The following PRPF8 variants were observed in gnomAD, a reference collection of about 807,000 sequenced individuals.
PRPF8 encodes pre-mRNA processing factor 8, also known as pre-mRNA-processing-splicing factor 8.
In PRPF8, 64 loss-of-function variants were observed where a neutral mutation model predicts 285.9. The ratio of observed to expected loss-of-function variants is 0.22; its 90% CI spans 0.18 to 0.28. The LOEUF (loss-of-function observed/expected upper bound fraction) is 0.28, where lower values mean the gene tolerates loss of function less well. Among genes scored for constraint, PRPF8 ranks in the 10% least tolerant of loss-of-function variants. The pLI, the probability that PRPF8 is intolerant of heterozygous loss-of-function variation, is 1.00. For missense variants in PRPF8, 1,426 were observed against 3,026.7 expected, an observed-to-expected ratio of 0.47 and a Z score of 12.41; for synonymous variants, 1,325 against 1,118.2, an observed-to-expected ratio of 1.18 and a Z score of -3.69.
chr17:1,664,013 TA>T (rs1911818844), intron 24 of PRPF8, among the ~76,000 whole-genome samples: 1 of 152,068 alleles, frequency 6.6e-6, no homozygotes, highest in Non-Finnish European at 1.5e-5. Flanking sequence ...TGAAAGACAA[TA>T]AACTCACAGC....
At chr17:1,657,969 T>TC (rs1567677946) in intron 34 of PRPF8, among the ~76,000 whole-genome samples, 1 of 94,054 alleles carries the variant, frequency 1.1e-5, no homozygotes, top group Non-Finnish European at 2.4e-5. Context: ...AGACTCCGGC[T>TC]AAAAAAAAAA....
Position 1,658,247 on chromosome 17 carries a change from G to A in PRPF8, c.5505+6C>T, listed in dbSNP as rs1025394979. ...CTACAGCCTCTTCATCTTTAAACCTGCTCACCTGCCCCAAACGCTTCTGTC... is the reference window on the plus strand; with the variant it reads ...CTACAGCCTCTTCATCTTTAAACCTACTCACCTGCCCCAAACGCTTCTGTC... On this transcript the variant is annotated splice_donor_region_variant and intron_variant, in intron 34 of 42. Transcript: ENST00000304992. The surrounding 1 kb of genome is among the most constrained non-coding windows in gnomAD (Gnocchi z 4.1). The A allele has an allele frequency of 6.2e-7, 1 of 1,613,974 alleles. No individual in the cohort carries two copies. The highest frequency in any genetic ancestry group is 8.5e-7 in the Non-Finnish European group (1 of 1,180,034).
intron 24 of PRPF8, among the ~76,000 whole-genome samples, chr17:1,664,951 T>C (rs1332553536): frequency 1.4e-5 from 2 of 139,402 alleles, no homozygotes; most frequent in Non-Finnish European, 3.2e-5. Flanking sequence ...AGGTCACGAG[T>C]TCAAGACCAG....
chr17:1,672,345 T>A (rs539058245), intron 24 of PRPF8, among the ~76,000 whole-genome samples: 48 of 152,292 alleles, frequency 3.2e-4, no homozygotes, highest in South Asian at 1.0e-3. Flanking sequence ...AATGGTACGA[T>A]CTCGACTCAC....
rs121434240 is a variant in PRPF8, at chr17:1,650,898, G to A, written c.6912C>T (p.Phe2304=). The A allele has an allele frequency of 5.0e-6, 8 of 1,614,062 alleles. No homozygotes were observed. The highest frequency in any genetic ancestry group is 2.7e-5 in the African/African-American group (2 of 74,920). The stretch of plus-strand genomic sequence containing the variant: ...GAGAGGGCCTGTGCACCTCGTGGTA[G>A]AACTCTTTGGGGTTCGCCAGCTGTA... ...YELQLANPKE[F]YHEVHRPSHF... The change falls in exon 43 of 43, where the codon TTC becomes TTT. Residue 2304 remains phenylalanine (F), a synonymous_variant. Transcript: ENST00000304992.
intron 24 of PRPF8, among the ~76,000 whole-genome samples, chr17:1,664,030 T>C (rs9894268): frequency 0.2 from 30,174 of 152,094 alleles, 6,500 homozygotes; most frequent in African/African-American, 0.54. Context: ...ACAGCTGTAG[T>C]TGGATCTTTC....
In PRPF8 at chr17:1,673,920, G is replaced by GC; in HGVS notation, c.3300-29dup. On this transcript the variant is annotated intron_variant, in intron 21 of 42. Coordinates refer to ENST00000304992, the MANE Select transcript of PRPF8 (RefSeq NM_006445.4). This position sits in a 1 kb window ranked among gnomAD's most constrained non-coding sequence, Gnocchi z 5.5. The stretch of plus-strand genomic sequence containing the variant: ...ACACCAGACCAGGTACACTGCTGAG[G>GC]CCCCAGTACACTGAGATTTGGGACA... 1 of 1,608,852 alleles carries GC rather than the reference G, an allele frequency of 6.2e-7. No individual in the cohort carries two copies. Among genetic ancestry groups the GC allele is most frequent in the Non-Finnish European group, 8.5e-7 (1 of 1,179,968 alleles).
intron 8 of PRPF8, chr17:1,680,467 TAG>T (rs1460189170): frequency 7.0e-6 from 4 of 568,560 alleles, no homozygotes; most frequent in Non-Finnish European, 1.3e-5. Context: ...ACAAACACAA[TAG>T]AGACAGACCG....
chr17:1,661,804 C>T lies in PRPF8; in HGVS notation c.4023-14G>A, dbSNP rs769246782. ...TGTTTGGACCACCTGTTTGGGTGTA[C>T]AACCAAGATTACAGAAAAAATAAAG... On this transcript the variant is annotated splice_polypyrimidine_tract_variant and intron_variant, in intron 25 of 42. Coordinates refer to ENST00000304992, the MANE Select transcript of PRPF8 (RefSeq NM_006445.4). The surrounding 1 kb of genome is among the most constrained non-coding windows in gnomAD (Gnocchi z 7.3). The T allele has an allele frequency of 2.5e-6, 4 of 1,614,138 alleles. No homozygotes were observed. Among genetic ancestry groups the T allele is most frequent in the Non-Finnish European group, 3.4e-6 (4 of 1,180,048 alleles).
chr17:1,676,454 T>C lies in PRPF8; in HGVS notation c.2388+51A>G. 2 of 1,613,918 alleles carry C rather than the reference T, an allele frequency of 1.2e-6. No individual in the cohort carries two copies. Among genetic ancestry groups the C allele is most frequent in the Non-Finnish European group, 1.7e-6 (2 of 1,179,924 alleles). On this transcript the variant is annotated intron_variant, in intron 16 of 42. Transcript: ENST00000304992. This position sits in a 1 kb window ranked among gnomAD's most constrained non-coding sequence, Gnocchi z 6.3. The stretch of plus-strand genomic sequence containing the variant: ...TCAGTCACAACTCTACAGTCCTCCC[T>C]CTTGCCCACTCCCCCACCACTCACA...
At chr17:1,674,708 G>A (rs769421123) in intron 20 of PRPF8, 28 bp from the exon 21 acceptor site, 30 of 1,598,402 alleles carry the variant, frequency 1.9e-5, no homozygotes, top group Non-Finnish European at 2.6e-5. Context: ...CAATTCTTAA[G>A]AATGTGAGCC....
intron 24 of PRPF8, among the ~76,000 whole-genome samples, chr17:1,664,499 C>A (rs945778505): frequency 8.5e-5 from 13 of 152,116 alleles, no homozygotes; most frequent in African/African-American, 3.1e-4. Flanking sequence ...AGAGACTGTA[C>A]GCTAGGACAT....
At position 1,676,009 on chromosome 17, in the gene PRPF8, C is replaced by G; in HGVS notation, c.2598G>C (p.Leu866=). The change falls in exon 18 of 43, where the codon CTG becomes CTC. Residue 866 remains leucine (L), a synonymous_variant. Coordinates refer to ENST00000304992, the MANE Select transcript of PRPF8 (RefSeq NM_006445.4). This position sits in a 1 kb window ranked among gnomAD's most constrained non-coding sequence, Gnocchi z 6.3. ...GGGGGTTATCGTAGGCCTGCTCGAT[C>G]AGACCTAGCTCCTCCCTCTGAGACT... ...LNQSQREELG[L]IEQAYDNPHE... 1 of 1,613,788 alleles carries G rather than the reference C, an allele frequency of 6.2e-7. No individual in the cohort carries two copies. Among genetic ancestry groups the G allele is most frequent in the Non-Finnish European group, 8.5e-7 (1 of 1,180,034 alleles).
At chr17:1,681,203 C>G in intron 6 of PRPF8, 149 bp from the exon 7 acceptor site, 1 of 948,316 alleles carries the variant, frequency 1.1e-6, no homozygotes, top group Non-Finnish European at 1.6e-6. Context: ...AGCTCAGCTT[C>G]CCAAGTAACT....
chr17:1,651,555 TATAGGTA>T lies in PRPF8; in HGVS notation c.6511-9_6511-3del. The T allele has an allele frequency of 6.2e-7, 1 of 1,613,978 alleles. No homozygotes were observed. The highest frequency in any genetic ancestry group is 8.5e-7 in the Non-Finnish European group (1 of 1,179,986). On this transcript the variant is annotated splice_region_variant and splice_polypyrimidine_tract_variant and intron_variant, in intron 40 of 42. Transcript: ENST00000304992. This position sits in a 1 kb window ranked among gnomAD's most constrained non-coding sequence, Gnocchi z 5.1. ...GATCCAACCTAAGGGTTCCATCTCCTATAGGTAAAGAGGAGTACAGAGCTGAATCCCA... is the reference window on the plus strand; with the variant it reads ...GATCCAACCTAAGGGTTCCATCTCCTAAGAGGAGTACAGAGCTGAATCCCA...
In PRPF8 at chr17:1,653,690, A is replaced by G; in HGVS notation, c.6228-7T>C. ...GTTGGCAGCAGAGATGGCCCTAAAAACAGGCAGGGAGTGTCAGCATCGCTC... is the reference window on the plus strand; with the variant it reads ...GTTGGCAGCAGAGATGGCCCTAAAAGCAGGCAGGGAGTGTCAGCATCGCTC... On this transcript the variant is annotated splice_polypyrimidine_tract_variant and splice_region_variant and intron_variant, in intron 38 of 42. Transcript: ENST00000304992. The surrounding 1 kb of genome is among the most constrained non-coding windows in gnomAD (Gnocchi z 4.9). The G allele has an allele frequency of 6.2e-7, 1 of 1,614,112 alleles. No individual in the cohort carries two copies.
Position 1,658,196 on chromosome 17 carries a change from C to A in PRPF8, c.5505+57G>T. The A allele has an allele frequency of 1.9e-6, 3 of 1,612,536 alleles. No individual in the cohort carries two copies. Among genetic ancestry groups the A allele is most frequent in the Non-Finnish European group, 2.5e-6 (3 of 1,179,594 alleles). On this transcript the variant is annotated intron_variant, in intron 34 of 42. Transcript: ENST00000304992. The surrounding 1 kb of genome is among the most constrained non-coding windows in gnomAD (Gnocchi z 4.1). ...AAACCAGTAAATATTACCAAGTCCA[C>A]CCCAAGAATAAGAGGCAACATGGTT...
rs146500400 is a variant in PRPF8 at position 1,675,446 on chromosome 17, G to A, written c.2873-107C>T. 1,519 of 1,455,814 alleles carry A rather than the reference G, an allele frequency of 1.0e-3. 15 individuals are homozygous for A. The African/African-American group carries it at 0.016, about 15-fold the overall frequency. The allele number at this position is 1,455,814 out of a possible 1,614,324, so 90.2% of individuals were successfully genotyped here. A position where few individuals can be genotyped will look rare whatever the true frequency, so the allele number is the denominator to read the frequency against. On this transcript the variant is annotated intron_variant, in intron 19 of 42. Coordinates refer to ENST00000304992, the MANE Select transcript of PRPF8 (RefSeq NM_006445.4). This position sits in a 1 kb window ranked among gnomAD's most constrained non-coding sequence, Gnocchi z 6.0. ...ATAACCAATCCCACTATGATTCCACGTATTCATTTGGATTGCTTTGACTAT... is the reference window on the plus strand; with the variant it reads ...ATAACCAATCCCACTATGATTCCACATATTCATTTGGATTGCTTTGACTAT...
At chr17:1,682,363 A>T in intron 3 of PRPF8, 70 bp from the exon 4 acceptor site, 1 of 1,556,730 alleles carries the variant, frequency 6.4e-7, no homozygotes, top group South Asian at 1.1e-5. Flanking sequence ...CATGCAGAGA[A>T]GCCACATGTT....
Sources: gnomAD v4.1 joint callset for allele counts (sites outside exome capture counted in the v4.1 genomes callset) on GRCh38, gnomAD v4.1.1 for gene constraint, Gnocchi (gnomAD v3.1) non-coding constraint, MANE v1.5 for transcripts, NCBI Gene and HGNC (gene_info 2026-07-23, HGNC 2026-07-21) for gene names.